The following SATB2 variants were observed in gnomAD, a reference collection of about 807,000 sequenced individuals.
The protein encoded by SATB2 is DNA-binding protein SATB2.
In SATB2, 1 loss-of-function variant was observed where a neutral mutation model predicts 73.4. That is an observed-to-expected ratio of 0.01 (90% CI 0.00 to 0.06). The LOEUF (loss-of-function observed/expected upper bound fraction) is 0.06, where lower values mean the gene tolerates loss of function less well. SATB2 is among the 10% of genes least tolerant of loss of function. The probability of loss-of-function intolerance (pLI) is 1.00; values close to 1 mark genes in which losing one functional copy is unlikely to be tolerated. For synonymous variants in SATB2, 397 were observed against 367.0 expected (o/e 1.08, Z -0.93); for missense variants, 459 against 945.8 (o/e 0.49, Z 6.75).
At chr2:199,278,476 G>C (rs1399695744) in intron 10 of SATB2, among the ~76,000 whole-genome samples, 1 of 152,176 alleles carries the variant, frequency 6.6e-6, no homozygotes, top group South Asian at 2.1e-4. Context: ...AGCACAGAAA[G>C]TACTGTTGGA....
chr2:199,390,791 T>A (rs1690108027), intron 3 of SATB2, among the ~76,000 whole-genome samples: 1 of 152,186 alleles, frequency 6.6e-6, no homozygotes, highest in African/African-American at 2.4e-5. Flanking sequence ...TTCCAGGTAC[T>A]CCATGTCTAG....
intron 3 of SATB2, among the ~76,000 whole-genome samples, chr2:199,407,525 A>C (rs1228538132): frequency 1.3e-5 from 2 of 152,170 alleles, no homozygotes; most frequent in African/African-American, 2.4e-5. Flanking sequence ...TGAAACCTCT[A>C]ACTTTGACAA....
chr2:199,386,907 G>A (rs1233280434), intron 3 of SATB2, among the ~76,000 whole-genome samples: 1 of 152,078 alleles, frequency 6.6e-6, no homozygotes, highest in African/African-American at 2.4e-5. Flanking sequence ...TATTATTGCT[G>A]AAATTCTGCC....
chr2:199,458,814 C>T (rs1692385395), upstream of SATB2: 1 of 344,586 alleles, frequency 2.9e-6, no homozygotes, highest in Non-Finnish European at 5.8e-6. Flanking sequence ...TTCCCGGTGC[C>T]TGCGAGCTCC....
At chr2:199,381,959 C>G in intron 3 of SATB2, 139 bp from the exon 4 acceptor site, 2 of 929,510 alleles carry the variant, frequency 2.2e-6, no homozygotes, top group Non-Finnish European at 3.3e-6. Flanking sequence ...GTGCAATAAG[C>G]TATTTCTTTC....
intron 2 of SATB2, among the ~76,000 whole-genome samples, chr2:199,447,354 C>T (rs1367090815): frequency 6.6e-6 from 1 of 152,134 alleles, no homozygotes; most frequent in Non-Finnish European, 1.5e-5. Flanking sequence ...GGTGAGTACA[C>T]CTCAGGTGAT....
intron 2 of SATB2, among the ~76,000 whole-genome samples, chr2:199,453,358 A>T (rs12478469): frequency 0.94 from 142,509 of 152,062 alleles, 67,458 homozygotes; most frequent in East Asian, 1. Context: ...TGTATCCATC[A>T]TTACACCATT....
At position 199,272,059 on chromosome 2, in the gene SATB2, G is replaced by T. The variant is rs1050219682; in HGVS notation, c.*152C>A. On this transcript the variant is annotated 3_prime_UTR_variant, in exon 11 of 11. Coordinates refer to ENST00000417098, the MANE Select transcript of SATB2 (RefSeq NM_001172509.2). The surrounding 1 kb of genome is among the most constrained non-coding windows in gnomAD (Gnocchi z 6.7). The stretch of plus-strand genomic sequence containing the variant: ...TGTGCAACAAAGAAATGTCCAAAAG[G>T]GTAAGAAAAACAAAACAGACATAAA... 4.4e-5 allele frequency: 32 copies of T among 733,884 alleles called. No homozygotes were observed. Among genetic ancestry groups the T allele is most frequent in the African/African-American group, 3.9e-4 (22 of 56,524 alleles). 45.5% of individuals were successfully genotyped at this position (733,884 alleles called of 1,614,324 possible). A position where few individuals can be genotyped will look rare whatever the true frequency, so the allele number is the denominator to read the frequency against.
At chr2:199,310,928 T>C (rs1296807728) in intron 9 of SATB2, among the ~76,000 whole-genome samples, 3 of 152,216 alleles carry the variant, frequency 2.0e-5, no homozygotes, top group African/African-American at 7.2e-5. Flanking sequence ...ACAACATTCA[T>C]TGCCGCATTT....
chr2:199,375,282 C>A (rs921722145), intron 5 of SATB2, among the ~76,000 whole-genome samples: 2 of 152,102 alleles, frequency 1.3e-5, no homozygotes, highest in African/African-American at 4.8e-5. Context: ...CTCAGGACAG[C>A]CAGTGGCAGA....
intron 3 of SATB2, among the ~76,000 whole-genome samples, chr2:199,415,045 A>T (rs1394836140): frequency 6.6e-6 from 1 of 152,236 alleles, no homozygotes; most frequent in Non-Finnish European, 1.5e-5. Context: ...AAAAGTTTAT[A>T]GAATGAGTGC....
intron 3 of SATB2, among the ~76,000 whole-genome samples, chr2:199,427,757 G>C (rs2105921683): frequency 6.6e-6 from 1 of 152,146 alleles, no homozygotes; most frequent in East Asian, 1.9e-4. Flanking sequence ...AATGATTTTA[G>C]AGAATTTAAG....
chr2:199,367,541 C>T lies in SATB2; in HGVS notation c.700+1064G>A, dbSNP rs1689322665. Among the ~76,000 whole-genome samples, 3 of 152,260 alleles carry T rather than the reference C, an allele frequency of 2.0e-5. No homozygotes were observed. In the South Asian group the frequency reaches 6.2e-4, roughly 32 times the overall value. On this transcript the variant is annotated intron_variant, in intron 6 of 10. Coordinates refer to ENST00000417098, the MANE Select transcript of SATB2 (RefSeq NM_001172509.2). ...TAGCCAACAAGCACTACTTTGACAT[C>T]CTGTCTCCCCTGAGAAAATCTGCAA...
At chr2:199,361,920 G>A (rs898125103) in intron 6 of SATB2, among the ~76,000 whole-genome samples, 1 of 151,786 alleles carries the variant, frequency 6.6e-6, no homozygotes, top group Non-Finnish European at 1.5e-5. Flanking sequence ...TGTGTTTTTA[G>A]TAAAGATGGG....
intron 3 of SATB2, among the ~76,000 whole-genome samples, chr2:199,422,503 A>G (rs1317424031): frequency 6.6e-6 from 1 of 152,186 alleles, no homozygotes; most frequent in Non-Finnish European, 1.5e-5. Context: ...CAATTTTAAA[A>G]TACATATCTT....
upstream of SATB2, among the ~76,000 whole-genome samples, chr2:199,462,037 C>T (rs1019539158): frequency 7.9e-5 from 12 of 152,182 alleles, no homozygotes; most frequent in African/African-American, 2.9e-4. The surrounding 1 kb of genome is among the most constrained non-coding windows in gnomAD (Gnocchi z 5.9). Context: ...CCATCCCGGG[C>T]TCTGAGGGCC....
intron 10 of SATB2, among the ~76,000 whole-genome samples, chr2:199,294,156 T>C (rs564511226): frequency 6.6e-6 from 1 of 152,258 alleles, no homozygotes; most frequent in Admixed American, 6.5e-5. Flanking sequence ...ACTGATTACA[T>C]ACACGTTCTA....
At chr2:199,409,191 C>T (rs1436765409) in intron 3 of SATB2, among the ~76,000 whole-genome samples, 15 of 90,070 alleles carry the variant, frequency 1.7e-4, no homozygotes, top group Admixed American at 3.0e-4. Context: ...TTTTTTGAGA[C>T]GGAGTTTCAC....
At chr2:199,432,378 T>C (rs1162010712) in intron 3 of SATB2, among the ~76,000 whole-genome samples, 1 of 152,220 alleles carries the variant, frequency 6.6e-6, no homozygotes, top group Non-Finnish European at 1.5e-5. Flanking sequence ...TCTCATAGTA[T>C]CCTTATTGGT....
Sources: gnomAD v4.1 joint callset for allele counts (sites outside exome capture counted in the v4.1 genomes callset) on GRCh38, gnomAD v4.1.1 for gene constraint, Gnocchi (gnomAD v3.1) non-coding constraint, MANE v1.5 for transcripts, NCBI Gene and HGNC (gene_info 2026-07-23, HGNC 2026-07-21) for gene names.